Variants in SLC15A1 observed in about 807,000 individuals in gnomAD.
SLC15A1 encodes the protein solute carrier family 15 member 1.
A neutral mutation model predicts 92.9 loss-of-function variants in SLC15A1; 83 were observed. The observed-to-expected ratio is 0.89, with a 90% CI of 0.75 to 1.07. SLC15A1 has a LOEUF of 1.07. Among genes scored for constraint, SLC15A1 ranks in the 50% least tolerant of loss-of-function variants. SLC15A1 has a pLI of 0.00. For synonymous variants in SLC15A1, 322 were observed against 318.2 expected (o/e 1.01, Z -0.13); for missense variants, 857 against 880.1 (o/e 0.97, Z 0.33).
At chr13:98,730,140 G>A (rs1566456073) in intron 1 of SLC15A1, among the ~76,000 whole-genome samples, 1 of 150,992 alleles carries the variant, frequency 6.6e-6, no homozygotes, top group Non-Finnish European at 1.5e-5. Flanking sequence ...AGGATGCAGT[G>A]AGCTGAAATC....
intron 18 of SLC15A1, among the ~76,000 whole-genome samples, chr13:98,701,499 A>G (rs1440387700): frequency 6.6e-6 from 1 of 151,202 alleles, no homozygotes; most frequent in Admixed American, 6.6e-5. Flanking sequence ...TTATTTATAT[A>G]TATATATTGA....
chr13:98,721,632 T>A, intron 6 of SLC15A1, 47 bp from the exon 7 acceptor site: 1 of 1,391,212 alleles, frequency 7.2e-7, no homozygotes, highest in South Asian at 1.3e-5. Context: ...ATCAATCCAC[T>A]GAGCACAGGG....
chr13:98,711,205 C>A (rs2088160343), intron 11 of SLC15A1, among the ~76,000 whole-genome samples: 1 of 152,160 alleles, frequency 6.6e-6, no homozygotes. Context: ...GAAACAATAG[C>A]TATTTTTTCA....
At chr13:98,697,615 CTTTTTTTTT>C (rs11347963) in intron 18 of SLC15A1, among the ~76,000 whole-genome samples, 1 of 125,056 alleles carries the variant, frequency 8.0e-6, no homozygotes, top group Non-Finnish European at 1.6e-5. Flanking sequence ...CTGGCTGATG[CTTTTTTTTT>C]TTTTTTTTTT....
At chr13:98,693,088 T>G (rs1401713115) in intron 18 of SLC15A1, among the ~76,000 whole-genome samples, 4 of 25,820 alleles carry the variant, frequency 1.5e-4, no homozygotes, top group East Asian at 3.2e-4. Context: ...ATTGTCTACG[T>G]TTTTTTTTTT....
intron 18 of SLC15A1, among the ~76,000 whole-genome samples, chr13:98,690,277 G>T (rs3783001): frequency 0.22 from 33,803 of 152,114 alleles, 5,600 homozygotes; most frequent in African/African-American, 0.47. Context: ...GGAGAAAATG[G>T]CTATGAATTA....
chr13:98,693,937 G>T (rs2088002425), intron 18 of SLC15A1, among the ~76,000 whole-genome samples: 1 of 152,176 alleles, frequency 6.6e-6, no homozygotes, highest in Non-Finnish European at 1.5e-5. Flanking sequence ...CAGTCTCACA[G>T]TAAGCCAGCT....
At chr13:98,705,473 G>A (rs537565734) in intron 16 of SLC15A1, among the ~76,000 whole-genome samples, 1 of 152,282 alleles carries the variant, frequency 6.6e-6, no homozygotes, top group South Asian at 2.1e-4. Context: ...TCCAGAGATG[G>A]CTAAATGTCC....
intron 18 of SLC15A1, among the ~76,000 whole-genome samples, chr13:98,697,797 A>G (rs1414907803): frequency 5.3e-5 from 8 of 152,176 alleles, no homozygotes; most frequent in Non-Finnish European, 5.9e-5. Flanking sequence ...GCAAAAGTAG[A>G]AAGAAGGCTG....
chr13:98,710,827 A>AG (rs1382272779), intron 11 of SLC15A1, among the ~76,000 whole-genome samples: 4 of 151,532 alleles, frequency 2.6e-5, no homozygotes, highest in Non-Finnish European at 5.9e-5. Flanking sequence ...AAAAAAAAAA[A>AG]AAAAAGAAAT....
chr13:98,692,104 T>A (rs1240773371), intron 18 of SLC15A1, among the ~76,000 whole-genome samples: 3 of 141,318 alleles, frequency 2.1e-5, no homozygotes, highest in Non-Finnish European at 4.6e-5. Context: ...TGGAAAGCTC[T>A]AATATGAGGA....
chr13:98,738,025 T>C (rs893301957), intron 1 of SLC15A1, among the ~76,000 whole-genome samples: 1 of 152,246 alleles, frequency 6.6e-6, no homozygotes, highest in African/African-American at 2.4e-5. Flanking sequence ...GGCTGCATTG[T>C]GTCCATGCCC....
intron 1 of SLC15A1, among the ~76,000 whole-genome samples, chr13:98,731,332 G>A (rs2088348937): frequency 6.6e-6 from 1 of 152,340 alleles, no homozygotes; most frequent in Admixed American, 6.5e-5. Context: ...GGCTGGTCGG[G>A]CAAGCGTGTG....
At chr13:98,696,740 G>A (rs1282589166) in intron 18 of SLC15A1, among the ~76,000 whole-genome samples, 1 of 152,142 alleles carries the variant, frequency 6.6e-6, no homozygotes, top group East Asian at 1.9e-4. Context: ...GGGGTGAGGG[G>A]CTGAATGGTG....
intron 8 of SLC15A1, among the ~76,000 whole-genome samples, chr13:98,716,835 G>A (rs930032252): frequency 2.6e-5 from 4 of 152,074 alleles, no homozygotes; most frequent in African/African-American, 9.7e-5. Context: ...TTTTCAATGA[G>A]GTCATTCTTC....
At chr13:98,733,050 A>C (rs2088362743) in intron 1 of SLC15A1, among the ~76,000 whole-genome samples, 1 of 152,202 alleles carries the variant, frequency 6.6e-6, no homozygotes, top group South Asian at 2.1e-4. Flanking sequence ...GGTGAAAAGC[A>C]GGGGAGTGAC....
chr13:98,727,343 T>C (rs371530086), intron 1 of SLC15A1, among the ~76,000 whole-genome samples: 8 of 152,310 alleles, frequency 5.3e-5, no homozygotes, highest in African/African-American at 1.9e-4. Flanking sequence ...TTGCCACCGA[T>C]ATTCCCTTCC....
chr13:98,744,240 CAAAAAAAAAA>C (rs898374872), intron 1 of SLC15A1, among the ~76,000 whole-genome samples: 2 of 42,360 alleles, frequency 4.7e-5, no homozygotes, highest in African/African-American at 1.8e-4. Flanking sequence ...GACTCTGTCT[CAAAAAAAAAA>C]AAAAAAAAAA....
chr13:98,738,893 C>A (rs2088417643), intron 1 of SLC15A1, among the ~76,000 whole-genome samples: 1 of 152,228 alleles, frequency 6.6e-6, no homozygotes, highest in Non-Finnish European at 1.5e-5. Flanking sequence ...GCACTCTCAG[C>A]ATATAAAAGC....
Sources: gnomAD v4.1 joint callset for allele counts (sites outside exome capture counted in the v4.1 genomes callset) on GRCh38, gnomAD v4.1.1 for gene constraint, MANE v1.5 for transcripts, NCBI Gene and HGNC (gene_info 2026-07-23, HGNC 2026-07-21) for gene names.